The following PVT1 variants were observed in gnomAD, a reference collection of about 807,000 sequenced individuals.
The protein encoded by PVT1 is CXCR4/PVT1 fusion.
At chr8:127,960,950 G>C (rs1417963196) in intron 3 of PVT1, among the ~76,000 whole-genome samples, 2 of 128,294 alleles carry the variant, frequency 1.6e-5, no homozygotes, top group African/African-American at 2.9e-5. Context: ...GGGTGGGGGG[G>C]GCGGGCGGGC....
intron 4 of PVT1, among the ~76,000 whole-genome samples, chr8:128,037,750 T>C (rs1813482551): frequency 1.3e-5 from 2 of 152,156 alleles, no homozygotes; most frequent in East Asian, 3.9e-4. Context: ...GCCTTCCAGG[T>C]AAACACAAAT....
intron 2 of PVT1, among the ~76,000 whole-genome samples, chr8:127,868,649 C>T (rs1815311239): frequency 6.6e-6 from 1 of 150,936 alleles, no homozygotes; most frequent in South Asian, 2.1e-4. Context: ...AGATTATCCA[C>T]CCTCCTACAC....
At chr8:127,991,737 G>A (rs1817043939) in intron 4 of PVT1, among the ~76,000 whole-genome samples, 1 of 152,216 alleles carries the variant, frequency 6.6e-6, no homozygotes, top group South Asian at 2.1e-4. Context: ...CCGCAGTCCT[G>A]AGCATGGCCT....
chr8:127,961,840 T>C (rs1190455759), intron 3 of PVT1, among the ~76,000 whole-genome samples: 1 of 152,240 alleles, frequency 6.6e-6, no homozygotes, highest in Non-Finnish European at 1.5e-5. Context: ...AGGCCCCCCC[T>C]GCCCGAGTCT....
At chr8:127,877,176 C>A (rs1000232476) in intron 2 of PVT1, among the ~76,000 whole-genome samples, 1 of 152,284 alleles carries the variant, frequency 6.6e-6, no homozygotes, top group East Asian at 1.9e-4. Flanking sequence ...TAGAATGTGC[C>A]CAGATTCTAA....
chr8:128,060,136 G>T (rs1162609476), intron 4 of PVT1, among the ~76,000 whole-genome samples: 1 of 152,064 alleles, frequency 6.6e-6, no homozygotes, highest in East Asian at 1.9e-4. Flanking sequence ...TGCACCTGTA[G>T]TCCTAGCTGC....
In PVT1 at chr8:128,051,934, C is replaced by G. The variant is rs574019587; in HGVS notation, n.913-18226C>G. Among the ~76,000 whole-genome samples, 19 of 152,276 alleles carry G rather than the reference C, an allele frequency of 1.2e-4. No individual in the cohort carries two copies. In the South Asian group the frequency reaches 3.9e-3, roughly 32 times the overall value. ...TCAGACAATGTATAGGTCTCAATTT[C>G]TTTAGGATTGGTTACTGGTGCTTTA... On this transcript the variant is annotated intron_variant and non_coding_transcript_variant, in intron 4 of 10. Transcript: ENST00000651587.
At chr8:127,867,898 T>C (rs930458932) in intron 2 of PVT1, among the ~76,000 whole-genome samples, 1 of 152,192 alleles carries the variant, frequency 6.6e-6, no homozygotes, top group Non-Finnish European at 1.5e-5. Flanking sequence ...ATGCCTTCAC[T>C]GAGGGCAGGA....
intron 4 of PVT1, among the ~76,000 whole-genome samples, chr8:128,031,240 C>T (rs1813383523): frequency 6.6e-6 from 1 of 152,234 alleles, no homozygotes; most frequent in Admixed American, 6.5e-5. Context: ...GGGAGGGACC[C>T]TTGGCACTGC....
intron 2 of PVT1, among the ~76,000 whole-genome samples, chr8:127,843,645 C>T (rs1003431637): frequency 2.0e-5 from 3 of 151,724 alleles, no homozygotes; most frequent in African/African-American, 7.3e-5. Context: ...CGCGGTTTCA[C>T]CATGTTAGCC....
intron 3 of PVT1, among the ~76,000 whole-genome samples, chr8:127,936,613 C>T (rs565889566): frequency 8.5e-5 from 13 of 152,274 alleles, no homozygotes; most frequent in Middle Eastern, 6.8e-3. Context: ...GAAATCATTT[C>T]CCTCCCGCCG....
At chr8:128,023,893 A>C (rs1164706880) in intron 4 of PVT1, among the ~76,000 whole-genome samples, 1 of 152,226 alleles carries the variant, frequency 6.6e-6, no homozygotes, top group Non-Finnish European at 1.5e-5. Flanking sequence ...GCATGAGTGA[A>C]CAAAAAAAAC....
At chr8:127,923,264 A>G (rs1816087325) in intron 3 of PVT1, among the ~76,000 whole-genome samples, 1 of 152,228 alleles carries the variant, frequency 6.6e-6, no homozygotes, top group Admixed American at 6.5e-5. Context: ...GTTAATGCTC[A>G]CAAGCAACTC....
intron 4 of PVT1, among the ~76,000 whole-genome samples, chr8:128,023,907 G>T (rs866084480): frequency 1.1e-4 from 17 of 152,096 alleles, no homozygotes; most frequent in Admixed American, 9.2e-4. Context: ...AAAAAACAGC[G>T]GTCCCCATAT....
rs142471288 is a variant in PVT1, at chr8:128,051,412, A to G, written n.913-18748A>G. On this transcript the variant is annotated intron_variant and non_coding_transcript_variant, in intron 4 of 10. Transcript: ENST00000651587. ...AAGAATTTGGCTTTAATGTGCCTCA[A>G]TGAAGACCTCCTTATGTTTAATAAA... is the stretch of plus-strand genomic sequence containing the variant. Among the ~76,000 whole-genome samples the G allele has an allele frequency of 6.3e-3, 958 of 152,326 alleles. 11 individuals are homozygous for G. The highest frequency in any genetic ancestry group is 0.018 in the African/African-American group (766 of 41,570).
At chr8:127,862,068 A>G (rs1815234333) in intron 2 of PVT1, among the ~76,000 whole-genome samples, 1 of 152,212 alleles carries the variant, frequency 6.6e-6, no homozygotes, top group South Asian at 2.1e-4. Flanking sequence ...GCAGCCTCCA[A>G]TAGTGTGAGC....
chr8:128,053,007 C>T (rs1263368885), intron 4 of PVT1, among the ~76,000 whole-genome samples: 1 of 152,220 alleles, frequency 6.6e-6, no homozygotes, highest in Non-Finnish European at 1.5e-5. Context: ...CTAGTAACCA[C>T]CCCAGCAAAG....
At chr8:127,843,531 T>C (rs137912820) in intron 2 of PVT1, among the ~76,000 whole-genome samples, 6,640 of 151,266 alleles carry the variant, frequency 0.044, 522 homozygotes, top group African/African-American at 0.15. Flanking sequence ...TAAGCTCCGC[T>C]TCCCGGGTTC....
chr8:127,864,357 G>T (rs977346566), intron 2 of PVT1, among the ~76,000 whole-genome samples: 1 of 152,128 alleles, frequency 6.6e-6, no homozygotes, highest in Non-Finnish European at 1.5e-5. Flanking sequence ...GGGAGCCTCA[G>T]CCTCCTGTCT....
Sources: allele counts gnomAD v4.1 joint callset (sites outside exome capture counted in the v4.1 genomes callset), GRCh38; gene constraint gnomAD v4.1.1; transcripts MANE v1.5; gene names NCBI Gene and HGNC (gene_info 2026-07-23, HGNC 2026-07-21).